Variants in DYNC2H1 observed in about 807,000 individuals in gnomAD.
DYNC2H1 encodes cytoplasmic dynein 2 heavy chain 1.
A neutral mutation model predicts 570.0 loss-of-function variants in DYNC2H1; 410 were observed. The observed-to-expected ratio is 0.72, with a 90% CI of 0.66 to 0.78. DYNC2H1 has a LOEUF of 0.78. Ranked by LOEUF, DYNC2H1 falls within the 30% of genes least tolerant of loss-of-function variation. The pLI is 0.00. For missense variants in DYNC2H1, 4,865 were observed against 5,046.4 expected (o/e 0.96, Z 1.09); for synonymous variants, 1,688 against 1,677.6 (o/e 1.01, Z -0.15).
At chr11:103,393,699 A>T (rs1273648395) in intron 83 of DYNC2H1, among the ~76,000 whole-genome samples, 1 of 152,208 alleles carries the variant, frequency 6.6e-6, no homozygotes, top group Admixed American at 6.5e-5. Flanking sequence ...CTCCTGTATT[A>T]GTCCATTTCA....
intron 59 of DYNC2H1, among the ~76,000 whole-genome samples, chr11:103,229,097 A>G (rs1002367980): frequency 2.0e-5 from 3 of 152,198 alleles, no homozygotes; most frequent in Non-Finnish European, 2.9e-5. Flanking sequence ...CCATGCCCCA[A>G]CAGCACCAAA....
In DYNC2H1 at chr11:103,241,554, A is replaced by T. The variant is rs770339718; in HGVS notation, c.9820-2139A>T. On this transcript the variant is annotated intron_variant, in intron 63 of 88. Coordinates refer to ENST00000375735, the MANE Select transcript of DYNC2H1 (RefSeq NM_001377.3). The surrounding 1 kb of genome is among the most constrained non-coding windows in gnomAD (Gnocchi z 5.1). Reference sequence around the variant, plus strand: ...CATTGGTTTGAAATCATGGGTAAGAACTTTTTAAAAATTTAAAATAATTAC... The same window carrying T: ...CATTGGTTTGAAATCATGGGTAAGATCTTTTTAAAAATTTAAAATAATTAC... The T allele has an allele frequency of 2.5e-6, 4 of 1,578,832 alleles. No individual in the cohort carries two copies. Among genetic ancestry groups the T allele is most frequent in the Non-Finnish European group, 3.5e-6 (4 of 1,154,166 alleles).
At chr11:103,130,319 A>T (rs1228807561) in intron 13 of DYNC2H1, among the ~76,000 whole-genome samples, 2 of 152,202 alleles carry the variant, frequency 1.3e-5, no homozygotes, top group African/African-American at 4.8e-5. Context: ...CTGAAATCTA[A>T]GTTCCCAAAT....
chr11:103,424,847 A>T (rs184080909), intron 84 of DYNC2H1, among the ~76,000 whole-genome samples: 1 of 152,318 alleles, frequency 6.6e-6, no homozygotes, highest in African/African-American at 2.4e-5. Context: ...GCCTAGTAGC[A>T]AACTATTTTA....
intron 17 of DYNC2H1, among the ~76,000 whole-genome samples, chr11:103,137,013 A>C (rs1460401395): frequency 1.3e-5 from 2 of 150,882 alleles, no homozygotes; most frequent in Non-Finnish European, 3.0e-5. Context: ...TTTTGGCTGC[A>C]TAAATGTCTT....
At chr11:103,191,320 T>A (rs549461832) in intron 45 of DYNC2H1, among the ~76,000 whole-genome samples, 197 bp from the exon 46 acceptor site, 1 of 152,270 alleles carries the variant, frequency 6.6e-6, no homozygotes, top group South Asian at 2.1e-4. Flanking sequence ...ATTATAGGCA[T>A]GAGCAACTGC....
chr11:103,313,315 A>G (rs1867680572), intron 79 of DYNC2H1, among the ~76,000 whole-genome samples: 1 of 152,148 alleles, frequency 6.6e-6, no homozygotes, highest in Admixed American at 6.6e-5. Flanking sequence ...TCTATCTGTT[A>G]TCGTCATCAC....
intron 53 of DYNC2H1, among the ~76,000 whole-genome samples, chr11:103,211,460 T>G (rs1863151198): frequency 6.6e-6 from 1 of 152,114 alleles, no homozygotes; most frequent in Non-Finnish European, 1.5e-5. Context: ...TTTGGATTAC[T>G]GTACATGTGT....
chr11:103,359,365 G>T (rs1224954552), intron 83 of DYNC2H1, among the ~76,000 whole-genome samples: 2 of 152,036 alleles, frequency 1.3e-5, no homozygotes, highest in African/African-American at 4.8e-5. Context: ...AGTTCCCACA[G>T]TTGACTCTTC....
At position 103,268,770 on chromosome 11, in the gene DYNC2H1, T is replaced by C. The variant is rs1040972862; in HGVS notation, c.10695+8793T>C. Among the ~76,000 whole-genome samples, 3 of 152,014 alleles carry C rather than the reference T, an allele frequency of 2.0e-5. No individual in the cohort carries two copies. Among genetic ancestry groups the C allele is most frequent in the African/African-American group, 7.2e-5 (3 of 41,438 alleles). On this transcript the variant is annotated intron_variant, in intron 70 of 88. Coordinates refer to ENST00000375735, the MANE Select transcript of DYNC2H1 (RefSeq NM_001377.3). This position sits in a 1 kb window ranked among gnomAD's most constrained non-coding sequence, Gnocchi z 4.6. ...TGGCAAAAGAGAATATAAACTTCCT[T>C]CTTGTTCATTTGAAATATTAGTAGC...
intron 84 of DYNC2H1, among the ~76,000 whole-genome samples, chr11:103,423,231 GGATCAATGGAATGGAAGGAATCAGTGGA>G (rs1943549761): frequency 6.9e-6 from 1 of 145,948 alleles, no homozygotes; most frequent in Non-Finnish European, 1.5e-5. Context: ...GGATTGGAAT[GGATCAATGGAATGGAAGGAATCAGTGGA>G]GATCAGTGGA....
At chr11:103,328,996 A>G (rs542668519) in intron 82 of DYNC2H1, among the ~76,000 whole-genome samples, 2 of 152,272 alleles carry the variant, frequency 1.3e-5, no homozygotes, top group African/African-American at 4.8e-5. Flanking sequence ...TAAAATATCT[A>G]TTTGGAAATG....
intron 82 of DYNC2H1, among the ~76,000 whole-genome samples, chr11:103,338,848 A>G (rs1307103972): frequency 1.3e-5 from 2 of 152,048 alleles, no homozygotes; most frequent in Non-Finnish European, 2.9e-5. Context: ...TGGTGAGGTC[A>G]TGTTTTCCTA....
intron 85 of DYNC2H1, among the ~76,000 whole-genome samples, chr11:103,452,263 C>T (rs1384076): frequency 0.25 from 37,295 of 151,796 alleles, 4,752 homozygotes; most frequent in Admixed American, 0.33. Flanking sequence ...TGTGTGGATA[C>T]GCATTTCATA....
chr11:103,136,551 GA>G (rs1859566319), intron 17 of DYNC2H1, among the ~76,000 whole-genome samples: 1 of 152,076 alleles, frequency 6.6e-6, no homozygotes, highest in Non-Finnish European at 1.5e-5. Flanking sequence ...CAAAAGACAT[GA>G]ACTCATCATT....
chr11:103,300,531 G>A (rs1172324115), intron 75 of DYNC2H1, among the ~76,000 whole-genome samples: 2 of 152,016 alleles, frequency 1.3e-5, no homozygotes, highest in African/African-American at 4.8e-5. Context: ...TTTTGCTGGA[G>A]TTTTGTGGGC....
At chr11:103,142,147 C>T (rs1859979410) in intron 17 of DYNC2H1, among the ~76,000 whole-genome samples, 1 of 152,262 alleles carries the variant, frequency 6.6e-6, no homozygotes, top group African/African-American at 2.4e-5. Flanking sequence ...AACTCCCTGA[C>T]TCCTTGCACT....
At chr11:103,155,663 T>G (rs2134891695) in intron 25 of DYNC2H1, among the ~76,000 whole-genome samples, 162 bp downstream of exon 25, 1 of 152,234 alleles carries the variant, frequency 6.6e-6, no homozygotes, top group South Asian at 2.1e-4. Context: ...ACATAAAAAA[T>G]TATGTGATAT....
At chr11:103,119,278 T>G (rs1161650439) in intron 6 of DYNC2H1, among the ~76,000 whole-genome samples, 1 of 152,170 alleles carries the variant, frequency 6.6e-6, no homozygotes, top group Non-Finnish European at 1.5e-5. Context: ...TGTTCAGTTT[T>G]TGGGCAGAGA....
Sources: allele counts gnomAD v4.1 joint callset (sites outside exome capture counted in the v4.1 genomes callset), GRCh38; gene constraint gnomAD v4.1.1; non-coding constraint Gnocchi (gnomAD v3.1); transcripts MANE v1.5; gene names NCBI Gene and HGNC (gene_info 2026-07-23, HGNC 2026-07-21).